The following LAPTM5 variants were observed in gnomAD, a reference collection of about 807,000 sequenced individuals.
The protein encoded by LAPTM5 is lysosomal-associated transmembrane protein 5.
A neutral mutation model predicts 30.1 loss-of-function variants in LAPTM5; 11 were observed. The ratio of observed to expected loss-of-function variants is 0.37; its 90% CI spans 0.23 to 0.60. The LOEUF (loss-of-function observed/expected upper bound fraction) is 0.60. Among genes scored for constraint, LAPTM5 ranks in the 20% least tolerant of loss-of-function variants. The pLI is 0.71. For synonymous variants in LAPTM5, 151 were observed against 137.9 expected, an observed-to-expected ratio of 1.10 and a Z score of -0.67; for missense variants, 324 against 332.5, an observed-to-expected ratio of 0.97 and a Z score of 0.20.
At chr1:30,742,326 G>T in intron 2 of LAPTM5, 130 bp downstream of exon 2, 1 of 645,234 alleles carries the variant, frequency 1.5e-6, no homozygotes, top group Non-Finnish European at 2.7e-6. Context: ...AAGAAAGGAA[G>T]ACACTTGCCA....
chr1:30,740,160 C>A (rs1374629932), intron 3 of LAPTM5, among the ~76,000 whole-genome samples: 7 of 152,306 alleles, frequency 4.6e-5, no homozygotes, highest in East Asian at 3.9e-4. Context: ...CGTAAGGGAA[C>A]CATCCCCATC....
At position 30,746,883 on chromosome 1, in the gene LAPTM5, A is replaced by C. The variant is rs538881588; in HGVS notation, c.88-4334T>G. Reference sequence around the variant, plus strand: ...GCGGAGCCGGGCACACAGCAGGTGCACCATAAACAAGCACAATTGGGTGGT... The same window carrying C: ...GCGGAGCCGGGCACACAGCAGGTGCCCCATAAACAAGCACAATTGGGTGGT... On this transcript the variant is annotated intron_variant, in intron 1 of 7. Transcript: ENST00000294507. This position sits in a 1 kb window ranked among gnomAD's most constrained non-coding sequence, Gnocchi z 4.0. 6.6e-6 allele frequency among the ~76,000 whole-genome samples: 1 copy of C among 152,314 alleles called. No individual in the cohort carries two copies. The highest frequency in any genetic ancestry group is 1.5e-5 in the Non-Finnish European group (1 of 68,028).
intron 7 of LAPTM5, 63 bp from the exon 8 acceptor site, chr1:30,733,980 G>A (rs1473656341): frequency 3.2e-6 from 5 of 1,551,856 alleles, no homozygotes; most frequent in Non-Finnish European, 4.3e-6. Context: ...TCCAACCTGG[G>A]GTCATGGGAC....
At chr1:30,747,640 C>T (rs1569867165) in intron 1 of LAPTM5, among the ~76,000 whole-genome samples, 1 of 152,160 alleles carries the variant, frequency 6.6e-6, no homozygotes, top group East Asian at 1.9e-4. Flanking sequence ...GTTTCTTTTC[C>T]TGGTGGCTCT....
intron 6 of LAPTM5, among the ~76,000 whole-genome samples, chr1:30,736,186 G>T (rs938311053): frequency 6.6e-6 from 1 of 152,132 alleles, no homozygotes; most frequent in African/African-American, 2.4e-5. Flanking sequence ...TCACTAGTGC[G>T]TTTGTGCTAG....
intron 5 of LAPTM5, among the ~76,000 whole-genome samples, chr1:30,738,605 C>G (rs1338670083): frequency 1.3e-5 from 2 of 152,204 alleles, no homozygotes; most frequent in Non-Finnish European, 2.9e-5. Context: ...AGCCATGATG[C>G]TTAGAGATAA....
intron 1 of LAPTM5, among the ~76,000 whole-genome samples, chr1:30,757,168 C>G (rs1640223121): frequency 6.6e-6 from 1 of 152,228 alleles, no homozygotes; most frequent in Non-Finnish European, 1.5e-5. Context: ...GAGATCCCCA[C>G]TTCTCATCCC....
intron 2 of LAPTM5, chr1:30,742,055 G>A: frequency 2.8e-6 from 1 of 361,494 alleles, no homozygotes; most frequent in African/African-American, 2.1e-5. Flanking sequence ...GGTCAGTGTG[G>A]CTGGAGCAAG....
At chr1:30,744,712 G>T (rs958433252) in intron 1 of LAPTM5, among the ~76,000 whole-genome samples, 1 of 152,082 alleles carries the variant, frequency 6.6e-6, no homozygotes, top group Non-Finnish European at 1.5e-5. Flanking sequence ...TGAGGGAGGA[G>T]CCCAAGTCTC....
chr1:30,749,631 A>G (rs558208626), intron 1 of LAPTM5, among the ~76,000 whole-genome samples: 2 of 152,294 alleles, frequency 1.3e-5, no homozygotes, highest in African/African-American at 2.4e-5. Flanking sequence ...CCCAGCACAC[A>G]GGGCTCTGGG....
intron 1 of LAPTM5, among the ~76,000 whole-genome samples, chr1:30,753,772 A>T (rs191983568): frequency 2.0e-5 from 3 of 152,322 alleles, no homozygotes; most frequent in Admixed American, 2.0e-4. Context: ...CTTTAATAAC[A>T]GCCCACGAAT....
In LAPTM5 at chr1:30,750,177, T is replaced by C. The variant is rs138281498; in HGVS notation, c.87+7482A>G. ...CAAATCTCCCTTTAGGAGCAGCCAG[T>C]GGGGGGCTCAGAGTTGGCCTCCAGG... On this transcript the variant is annotated intron_variant, in intron 1 of 7. Transcript: ENST00000294507. Among the ~76,000 whole-genome samples, 9 of 152,194 alleles carry C rather than the reference T, an allele frequency of 5.9e-5. No individual in the cohort carries two copies. In the East Asian group the frequency reaches 1.7e-3, roughly 29 times the overall value.
In LAPTM5 at chr1:30,739,643, ACTTGGGG is replaced by A. The variant is rs1639939046; in HGVS notation, c.387+159_387+165del. On this transcript the variant is annotated intron_variant, in intron 4 of 7. Coordinates refer to ENST00000294507, the MANE Select transcript of LAPTM5 (RefSeq NM_006762.3). The surrounding 1 kb of genome is among the most constrained non-coding windows in gnomAD (Gnocchi z 4.2). ...GCAGGTACATTCCACAGAGGAAGAAACTTGGGGCAATGTGGAGGGACTCAGAGACTGG... is the reference window on the plus strand; with the variant it reads ...GCAGGTACATTCCACAGAGGAAGAAACAATGTGGAGGGACTCAGAGACTGG... 6.6e-6 allele frequency among the ~76,000 whole-genome samples: 1 copy of A among 152,144 alleles called. No homozygotes were observed. The highest frequency in any genetic ancestry group is 6.5e-5 in the Admixed American group (1 of 15,284).
At chr1:30,737,459 G>T in intron 6 of LAPTM5, 145 bp downstream of exon 6, 2 of 597,980 alleles carry the variant, frequency 3.3e-6, no homozygotes, top group Non-Finnish European at 5.9e-6. Context: ...GAGCTGGCAT[G>T]GGAAAGCAAG....
At chr1:30,744,305 C>T (rs1287458535) in intron 1 of LAPTM5, among the ~76,000 whole-genome samples, 1 of 152,142 alleles carries the variant, frequency 6.6e-6, no homozygotes, top group Non-Finnish European at 1.5e-5. Context: ...AAAACTCCTT[C>T]CTCAGCCCCT....
At chr1:30,754,718 C>T (rs1030156269) in intron 1 of LAPTM5, among the ~76,000 whole-genome samples, 6 of 152,184 alleles carry the variant, frequency 3.9e-5, no homozygotes, top group South Asian at 2.1e-4. Context: ...GGAAGATGCC[C>T]GAGCCCAAAG....
intron 6 of LAPTM5, 55 bp downstream of exon 6, chr1:30,737,549 G>A: frequency 1.5e-6 from 2 of 1,337,658 alleles, no homozygotes; most frequent in Middle Eastern, 1.8e-4. Flanking sequence ...GGCAGGCCTG[G>A]GCCCAGCACA....
chr1:30,749,721 C>T lies in LAPTM5; in HGVS notation c.88-7172G>A, dbSNP rs954582056. On this transcript the variant is annotated intron_variant, in intron 1 of 7. Transcript: ENST00000294507. The stretch of plus-strand genomic sequence containing the variant: ...GAGGTGGATCTTGAAGAAGATTCCC[C>T]GAAAGAGCAATGGAAAAAGTGTTCC... Among the ~76,000 whole-genome samples, 5 of 151,996 alleles carry T rather than the reference C, an allele frequency of 3.3e-5. 1 individual carries two copies. The South Asian group carries it at 6.2e-4, about 19-fold the overall frequency.
At chr1:30,756,604 C>G (rs960392078) in intron 1 of LAPTM5, among the ~76,000 whole-genome samples, 2 of 152,184 alleles carry the variant, frequency 1.3e-5, no homozygotes, top group African/African-American at 2.4e-5. Context: ...ATCCAGAGGC[C>G]GTGGGCTAAC....
Sources: gnomAD v4.1 joint callset for allele counts (sites outside exome capture counted in the v4.1 genomes callset) on GRCh38, gnomAD v4.1.1 for gene constraint, Gnocchi (gnomAD v3.1) non-coding constraint, MANE v1.5 for transcripts, NCBI Gene and HGNC (gene_info 2026-07-23, HGNC 2026-07-21) for gene names.